Variants in GMDS observed in about 807,000 individuals in gnomAD.
GMDS encodes the protein GDP-mannose 4,6 dehydratase.
GMDS carries 20 observed loss-of-function variants against 49.9 expected under a neutral mutation model. The observed-to-expected ratio is 0.40, with a 90% confidence interval of 0.28 to 0.58. The LOEUF (loss-of-function observed/expected upper bound fraction) is 0.58, where lower values mean the gene tolerates loss of function less well. Among genes scored for constraint, GMDS ranks in the 20% least tolerant of loss-of-function variants. GMDS has a pLI of 0.42. For missense variants in GMDS, 362 were observed against 481.4 expected, an observed-to-expected ratio of 0.75 and a Z score of 2.32; for synonymous variants, 177 against 178.6, an observed-to-expected ratio of 0.99 and a Z score of 0.07.
intron 7 of GMDS, among the ~76,000 whole-genome samples, chr6:1,919,836 C>T (rs1040247763): frequency 6.6e-6 from 1 of 152,168 alleles, no homozygotes; most frequent in South Asian, 2.1e-4. Flanking sequence ...TTCCGTGTTG[C>T]CAGGTCTTAC....
intron 8 of GMDS, among the ~76,000 whole-genome samples, chr6:1,741,571 G>A (rs1459664907): frequency 6.6e-6 from 1 of 151,976 alleles, no homozygotes; most frequent in Non-Finnish European, 1.5e-5. Flanking sequence ...AGCACTTTGG[G>A]AGGCCAAGGC....
intron 1 of GMDS, among the ~76,000 whole-genome samples, chr6:2,237,296 G>A (rs1162652502): frequency 1.3e-5 from 2 of 152,160 alleles, no homozygotes; most frequent in African/African-American, 4.8e-5. Context: ...ACTAGGTTTG[G>A]CACATTGGTG....
At chr6:1,629,574 G>A (rs1239081103) in intron 9 of GMDS, among the ~76,000 whole-genome samples, 1 of 152,150 alleles carries the variant, frequency 6.6e-6, no homozygotes, top group Non-Finnish European at 1.5e-5. Flanking sequence ...CCATGGCCTC[G>A]TCCGTGGCCA....
At chr6:2,087,201 G>C (rs972857934) in intron 4 of GMDS, among the ~76,000 whole-genome samples, 1 of 152,160 alleles carries the variant, frequency 6.6e-6, no homozygotes, top group Non-Finnish European at 1.5e-5. Flanking sequence ...AGATTAGATG[G>C]ACAAGGAAAG....
At chr6:2,038,308 C>A (rs1726932215) in intron 4 of GMDS, among the ~76,000 whole-genome samples, 1 of 152,202 alleles carries the variant, frequency 6.6e-6, no homozygotes, top group South Asian at 2.1e-4. Context: ...GGTTAACCCA[C>A]ATCCCTTCCC....
chr6:1,939,786 G>T (rs548533372), intron 6 of GMDS, among the ~76,000 whole-genome samples: 1 of 152,218 alleles, frequency 6.6e-6, no homozygotes, highest in East Asian at 1.9e-4. Context: ...ATGAATAATA[G>T]CCAATTTATT....
At chr6:2,073,335 C>T (rs554231361) in intron 4 of GMDS, among the ~76,000 whole-genome samples, 10 of 152,190 alleles carry the variant, frequency 6.6e-5, no homozygotes, top group Non-Finnish European at 1.3e-4. Context: ...AAATGACACT[C>T]TGTTTATAGG....
intron 4 of GMDS, among the ~76,000 whole-genome samples, chr6:1,987,013 G>A (rs554502188): frequency 1.8e-4 from 28 of 152,304 alleles, no homozygotes; most frequent in Admixed American, 4.6e-4. Flanking sequence ...TGAGCCAGAA[G>A]AGGTTTTGTT....
chr6:1,880,284 CAAAAAAAAAA>C (rs34490393), intron 7 of GMDS, among the ~76,000 whole-genome samples: 101 of 59,126 alleles, frequency 1.7e-3, no homozygotes, highest in African/African-American at 7.0e-3. Flanking sequence ...CTCATTTCCA[CAAAAAAAAAA>C]AAAAAAAAAA....
intron 1 of GMDS, among the ~76,000 whole-genome samples, chr6:2,227,655 T>C (rs375198851): frequency 6.6e-6 from 1 of 152,166 alleles, no homozygotes; most frequent in African/African-American, 2.4e-5. Flanking sequence ...GTGCCAATTG[T>C]GGCTGGAACT....
At chr6:2,107,206 G>T (rs6906669) in intron 4 of GMDS, among the ~76,000 whole-genome samples, 1 of 152,162 alleles carries the variant, frequency 6.6e-6, no homozygotes, top group Non-Finnish European at 1.5e-5. Flanking sequence ...TAATAAAACA[G>T]AACAATCTGT....
Position 1,836,047 on chromosome 6 carries a change from T to C in GMDS, c.772-93461A>G, listed in dbSNP as rs545035333. Among the ~76,000 whole-genome samples the C allele has an allele frequency of 1.3e-5, 2 of 152,116 alleles. No individual in the cohort carries two copies. The highest frequency in any genetic ancestry group is 2.9e-5 in the Non-Finnish European group (2 of 67,992). ...CACGCCTGGCTAATTTTTTGGATTTTTAGTAGAGACAGGGTTTCACCATGT... is the reference window on the plus strand; with the variant it reads ...CACGCCTGGCTAATTTTTTGGATTTCTAGTAGAGACAGGGTTTCACCATGT... On this transcript the variant is annotated intron_variant, in intron 7 of 10. Transcript: ENST00000380815. The surrounding 1 kb of genome is among the most constrained non-coding windows in gnomAD (Gnocchi z 4.2).
intron 1 of GMDS, among the ~76,000 whole-genome samples, chr6:2,193,575 T>TA (rs1779146619): frequency 6.6e-6 from 1 of 152,182 alleles, no homozygotes; most frequent in African/African-American, 2.4e-5. Flanking sequence ...TTCACTGTCA[T>TA]AAAAAGGGTA....
intron 7 of GMDS, among the ~76,000 whole-genome samples, chr6:1,925,783 C>T (rs1249119188): frequency 6.6e-6 from 1 of 152,176 alleles, no homozygotes; most frequent in African/African-American, 2.4e-5. Flanking sequence ...AGGCCTATGC[C>T]CACGGACTAG....
intron 4 of GMDS, among the ~76,000 whole-genome samples, chr6:2,096,661 C>T (rs895055670): frequency 6.6e-6 from 1 of 152,108 alleles, no homozygotes; most frequent in African/African-American, 2.4e-5. Context: ...ACATATTACT[C>T]AGTAATTCTA....
intron 1 of GMDS, among the ~76,000 whole-genome samples, chr6:2,207,888 A>T (rs1779875533): frequency 1.3e-5 from 2 of 151,936 alleles, no homozygotes; most frequent in Non-Finnish European, 2.9e-5. Context: ...TATTGAGAAG[A>T]TTTCTCTAAA....
chr6:1,628,242 C>T (rs977266581), intron 9 of GMDS, among the ~76,000 whole-genome samples: 2 of 152,212 alleles, frequency 1.3e-5, no homozygotes, highest in South Asian at 4.1e-4. Flanking sequence ...CAGTAGTTAA[C>T]GCAAACTCCA....
At chr6:2,206,888 A>G (rs1394516186) in intron 1 of GMDS, among the ~76,000 whole-genome samples, 1 of 152,182 alleles carries the variant, frequency 6.6e-6, no homozygotes, top group Non-Finnish European at 1.5e-5. Flanking sequence ...TGTTATCTGA[A>G]ATTACTCCAG....
In GMDS at chr6:1,784,348, C is replaced by T. The variant is rs369056815; in HGVS notation, c.772-41762G>A. On this transcript the variant is annotated intron_variant, in intron 7 of 10. Coordinates refer to ENST00000380815, the MANE Select transcript of GMDS (RefSeq NM_001500.4). Reference sequence around the variant, plus strand: ...TGGAGGTGGCAGTGAGCCAAGATCACGCCACTGCACTCCAGCCTGGGTGAC... The same window carrying T: ...TGGAGGTGGCAGTGAGCCAAGATCATGCCACTGCACTCCAGCCTGGGTGAC... Among the ~76,000 whole-genome samples, 32 of 141,290 alleles carry T rather than the reference C, an allele frequency of 2.3e-4. No individual in the cohort carries two copies. In the East Asian group the frequency reaches 3.6e-3, roughly 16 times the overall value. 92.7% of individuals were successfully genotyped at this position (141,290 alleles called of 152,430 possible).
Sources: gnomAD v4.1 joint callset for allele counts (sites outside exome capture counted in the v4.1 genomes callset) on GRCh38, gnomAD v4.1.1 for gene constraint, Gnocchi (gnomAD v3.1) non-coding constraint, MANE v1.5 for transcripts, NCBI Gene and HGNC (gene_info 2026-07-23, HGNC 2026-07-21) for gene names.